The following IQCE variants were observed in gnomAD, a reference collection of about 807,000 sequenced individuals.
The protein encoded by IQCE is IQ domain-containing protein E.
Under a neutral mutation model 96.0 loss-of-function variants are expected in IQCE, and 115 were observed. The ratio of observed to expected loss-of-function variants is 1.20; its 90% CI spans 1.03 to 1.40. IQCE has a LOEUF of 1.40. IQCE is among the 40% of genes most tolerant of loss of function. The pLI is 0.00. For synonymous variants in IQCE, 412 were observed against 371.2 expected (o/e 1.11, Z -1.26); for missense variants, 1,041 against 909.1 (o/e 1.15, Z -1.87).
intron 13 of IQCE, among the ~76,000 whole-genome samples, chr7:2,589,649 T>G (rs1469520513): frequency 3.9e-5 from 6 of 152,150 alleles, no homozygotes; most frequent in African/African-American, 1.4e-4. Flanking sequence ...CCTCTCTGTT[T>G]TAATGACTTC....
chr7:2,568,611 T>A (rs1453463096), intron 2 of IQCE, among the ~76,000 whole-genome samples: 1 of 152,148 alleles, frequency 6.6e-6, no homozygotes, highest in Non-Finnish European at 1.5e-5. Flanking sequence ...TGGACAGAGG[T>A]GCGCTGGGCT....
chr7:2,578,789 A>G (rs983544717), intron 8 of IQCE, among the ~76,000 whole-genome samples: 1 of 152,164 alleles, frequency 6.6e-6, no homozygotes, highest in Non-Finnish European at 1.5e-5. Context: ...GAGAAAATAC[A>G]TTAAGCTTAA....
At chr7:2,561,577 T>A (rs1254601048) in intron 1 of IQCE, among the ~76,000 whole-genome samples, 2 of 152,008 alleles carry the variant, frequency 1.3e-5, no homozygotes, top group Non-Finnish European at 2.9e-5. Context: ...CCCGCCACCA[T>A]GCCCGGCTAA....
At chr7:2,583,089 C>T (rs1484742412) in intron 9 of IQCE, among the ~76,000 whole-genome samples, 1 of 152,152 alleles carries the variant, frequency 6.6e-6, no homozygotes, top group Non-Finnish European at 1.5e-5. Context: ...ACAATAGTTC[C>T]CCCCTCGTTT....
intron 18 of IQCE, 58 bp downstream of exon 18, chr7:2,601,522 G>A (rs1784432215): frequency 8.4e-7 from 1 of 1,191,128 alleles, no homozygotes; most frequent in African/African-American, 1.5e-5. Flanking sequence ...TGAAAAGTAG[G>A]TGAGGGGATA....
chr7:2,577,129 A>G (rs1344115442), intron 6 of IQCE, among the ~76,000 whole-genome samples: 1 of 152,200 alleles, frequency 6.6e-6, no homozygotes, highest in African/African-American at 2.4e-5. Context: ...CACCACACAC[A>G]GAGCCCTGAG....
chr7:2,607,780 C>T (rs545817337), intron 21 of IQCE, among the ~76,000 whole-genome samples: 65 of 152,332 alleles, frequency 4.3e-4, no homozygotes, highest in African/African-American at 1.3e-3. Flanking sequence ...TGCTGCTCTG[C>T]GTGGACTTGA....
chr7:2,575,267 G>A (rs559027673), intron 6 of IQCE, among the ~76,000 whole-genome samples: 2 of 152,336 alleles, frequency 1.3e-5, no homozygotes, highest in East Asian at 1.9e-4. Flanking sequence ...TATCACCCGC[G>A]AGGGTGGAGG....
In IQCE at chr7:2,598,522, C is replaced by G; in HGVS notation, c.1498C>G (p.Pro500Ala). 1 of 1,611,298 alleles carries G rather than the reference C, an allele frequency of 6.2e-7. No homozygotes were observed. Among genetic ancestry groups the G allele is most frequent in the Non-Finnish European group, 8.5e-7 (1 of 1,178,866 alleles). The change falls in exon 17 of 22, where the codon CCG becomes GCG. Residue 500 changes from proline to alanine, a missense_variant. Pro to Ala is a conservative substitution (Grantham distance 27). Transcript: ENST00000402050. ...SSRHCEQDWPPDSSEEGLPRP... is the reference protein window; with the variant it reads ...SSRHCEQDWPADSSEEGLPRP... ...CAGGCACTGCGAGCAAGACTGGCCG[C>G]CGGATTCCAGCGAGGAGGGGCTCCC...
intron 2 of IQCE, among the ~76,000 whole-genome samples, chr7:2,567,415 G>C (rs1781459911): frequency 6.6e-6 from 1 of 152,232 alleles, no homozygotes. Context: ...CTAGTCCCTG[G>C]CCTGCAGCTG....
chr7:2,585,706 C>T (rs1340458855), intron 11 of IQCE, among the ~76,000 whole-genome samples: 1 of 152,254 alleles, frequency 6.6e-6, no homozygotes, highest in East Asian at 1.9e-4. Context: ...TGCGCGCCAG[C>T]GACTGGCATT....
chr7:2,600,554 C>A (rs1225792625), intron 17 of IQCE, among the ~76,000 whole-genome samples: 2 of 152,224 alleles, frequency 1.3e-5, no homozygotes, highest in Admixed American at 6.5e-5. Context: ...TCCTCGTCCT[C>A]CCGAAAGCGT....
Position 2,578,313 on chromosome 7 carries a change from C to T in IQCE, c.537C>T (p.Ser179=). The change falls in exon 7 of 22, where the codon AGC becomes AGT. Residue 179 remains serine, a synonymous_variant. Transcript: ENST00000402050. ...TCCGGCGCCTGGAGGAGGAAAACAG[C>T]AGGAAGGACCGGCAGATAGAGCAGC... ...TKLRRLEEEN[S]RKDRQIEQLL... 2 of 1,614,064 alleles carry T rather than the reference C, an allele frequency of 1.2e-6. No homozygotes were observed. The highest frequency in any genetic ancestry group is 2.2e-5 in the East Asian group (1 of 44,884).
chr7:2,577,686 A>ATG (rs1782269526), intron 6 of IQCE, among the ~76,000 whole-genome samples: 1 of 21,760 alleles, frequency 4.6e-5, no homozygotes, highest in Non-Finnish European at 8.7e-5. Flanking sequence ...TGCGGCGTGC[A>ATG]CGCATTGGCG....
intron 6 of IQCE, among the ~76,000 whole-genome samples, chr7:2,576,002 C>T (rs1782096110): frequency 6.6e-6 from 1 of 152,172 alleles, no homozygotes; most frequent in Non-Finnish European, 1.5e-5. Context: ...ACTAGAGCTC[C>T]CATCTTCCTT....
intron 1 of IQCE, among the ~76,000 whole-genome samples, chr7:2,560,476 G>C (rs1318465560): frequency 6.6e-6 from 1 of 152,214 alleles, no homozygotes; most frequent in African/African-American, 2.4e-5. Context: ...GCTTGGTGCT[G>C]CTGGCCAACT....
chr7:2,608,017 A>G (rs1784953116), intron 21 of IQCE, among the ~76,000 whole-genome samples: 1 of 152,202 alleles, frequency 6.6e-6, no homozygotes, highest in Admixed American at 6.5e-5. Context: ...GGGTGGAGTC[A>G]GGGAAGGAGG....
intron 14 of IQCE, 86 bp from the exon 15 acceptor site, chr7:2,592,936 C>A: frequency 1.4e-6 from 2 of 1,420,524 alleles, no homozygotes; most frequent in Non-Finnish European, 1.9e-6. Flanking sequence ...AAGGGCTGAG[C>A]ACTGTCATTT....
rs534860784 is a variant in IQCE at position 2,602,633 on chromosome 7, C to T, written c.1632+1169C>T. Among the ~76,000 whole-genome samples the T allele has an allele frequency of 1.6e-3, 247 of 152,352 alleles. 2 individuals are homozygous for T. Among genetic ancestry groups the T allele is most frequent in the African/African-American group, 5.6e-3 (234 of 41,582 alleles). On this transcript the variant is annotated intron_variant, in intron 18 of 21. Coordinates refer to ENST00000402050, the MANE Select transcript of IQCE (RefSeq NM_152558.5). ...ATGTCAGCAGGGTTGACAGCTCTGC[C>T]GTCAGGGCGGGGCTTGACTTCCCCC...
Sources: gnomAD v4.1 joint callset for allele counts (sites outside exome capture counted in the v4.1 genomes callset) on GRCh38, gnomAD v4.1.1 for gene constraint, MANE v1.5 for transcripts, NCBI Gene and HGNC (gene_info 2026-07-23, HGNC 2026-07-21) for gene names.